SNX30: variants seen among roughly 807,000 people sequenced by gnomAD.
SNX30 encodes the protein sorting nexin family member 30.
SNX30 carries 24 observed loss-of-function variants against 46.4 expected under a neutral mutation model. The ratio of observed to expected loss-of-function variants is 0.52; its 90% CI spans 0.37 to 0.73. The LOEUF (loss-of-function observed/expected upper bound fraction) is 0.73, where lower values mean the gene tolerates loss of function less well. Among genes scored for constraint, SNX30 ranks in the 30% least tolerant of loss-of-function variants. SNX30 has a pLI of 0.00. For missense variants in SNX30, 533 were observed against 555.7 expected, an observed-to-expected ratio of 0.96 and a Z score of 0.41; for synonymous variants, 189 against 211.5, an observed-to-expected ratio of 0.89 and a Z score of 0.92.
downstream of SNX30, among the ~76,000 whole-genome samples, chr9:112,883,341 T>C (rs1841604873): frequency 6.6e-6 from 1 of 152,120 alleles, no homozygotes; most frequent in African/African-American, 2.4e-5. Flanking sequence ...CGCACCCAGA[T>C]ACCAGGTGCA....
At chr9:112,822,966 A>G (rs191452907) in intron 3 of SNX30, among the ~76,000 whole-genome samples, 10 of 145,450 alleles carry the variant, frequency 6.9e-5, no homozygotes, top group Admixed American at 1.4e-4. Context: ...CCAAATCCCC[A>G]TAACACTTAT....
intron 1 of SNX30, among the ~76,000 whole-genome samples, chr9:112,775,403 C>T (rs1839728034): frequency 1.3e-5 from 2 of 152,092 alleles, no homozygotes; most frequent in African/African-American, 4.8e-5. Context: ...CCACCTTGGC[C>T]TCCCAAAGTG....
rs1841495949 is a variant in SNX30 at position 112,874,707 on chromosome 9, A to C, written c.*5864A>C. ...TTTCATGAAGCTACCAAACTTTAAA[A>C]AGAATGTCACCCTTTTTTTTGTTTG... On this transcript the variant is annotated 3_prime_UTR_variant, in exon 9 of 9. Transcript: ENST00000374232. The C allele has an allele frequency of 6.6e-6, 1 of 152,230 alleles. No individual in the cohort carries two copies. Among genetic ancestry groups the C allele is most frequent in the Non-Finnish European group, 1.5e-5 (1 of 68,050 alleles). The allele number at this position is 152,230 out of a possible 1,614,324, so 9.4% of individuals were successfully genotyped here. A position where few individuals can be genotyped will look rare whatever the true frequency, so the allele number is the denominator to read the frequency against.
chr9:112,876,217 G>A (rs925642446), downstream of SNX30, among the ~76,000 whole-genome samples: 1 of 152,160 alleles, frequency 6.6e-6, no homozygotes, highest in Non-Finnish European at 1.5e-5. Flanking sequence ...GAAAATAGCC[G>A]ATTTAAGAGA....
intron 8 of SNX30, among the ~76,000 whole-genome samples, chr9:112,868,545 C>T (rs111314075): frequency 5.3e-5 from 8 of 152,332 alleles, no homozygotes; most frequent in African/African-American, 1.9e-4. Context: ...TACAGACTAA[C>T]ATGAATGCAT....
intron 8 of SNX30, among the ~76,000 whole-genome samples, chr9:112,865,670 T>TGA (rs1841324008): frequency 9.4e-6 from 1 of 106,816 alleles, no homozygotes; most frequent in African/African-American, 3.5e-5. Context: ...TATGTATGTA[T>TGA]GTATGCACAC....
Position 112,750,988 on chromosome 9 carries a change from G to A in SNX30, c.-14G>A, listed in dbSNP as rs1839264782. The A allele has an allele frequency of 8.1e-7, 1 of 1,239,098 alleles. No individual in the cohort carries two copies. The highest frequency in any genetic ancestry group is 1.0e-6 in the Non-Finnish European group (1 of 992,382). The allele number at this position is 1,239,098 out of a possible 1,614,324, so 76.8% of individuals were successfully genotyped here. On this transcript the variant is annotated 5_prime_UTR_variant, in exon 1 of 9. Coordinates refer to ENST00000374232, the MANE Select transcript of SNX30 (RefSeq NM_001012994.2). ...GGAGGAAGCGGCGGCGGCGCGTCCC[G>A]AGCGGTGCGCGCCATGGCGGGCGGG...
intron 7 of SNX30, among the ~76,000 whole-genome samples, chr9:112,859,893 AC>A (rs35652883): frequency 0.017 from 2,544 of 151,710 alleles, 43 homozygotes; most frequent in East Asian, 0.088. Flanking sequence ...TTAGCATTTC[AC>A]TAGTGATTAT....
chr9:112,831,828 T>C (rs4979159), intron 4 of SNX30, among the ~76,000 whole-genome samples: 25,615 of 152,234 alleles, frequency 0.17, 2,478 homozygotes, highest in Admixed American at 0.24. Context: ...TGAGGTGCTG[T>C]GCTCTCGCTG....
At chr9:112,831,286 T>C (rs890965561) in intron 4 of SNX30, among the ~76,000 whole-genome samples, 3 of 152,166 alleles carry the variant, frequency 2.0e-5, no homozygotes, top group African/African-American at 7.2e-5. Flanking sequence ...CAAATCCATA[T>C]AGATGGATTC....
Position 112,835,528 on chromosome 9 carries a change from G to T in SNX30, c.619-686G>T, listed in dbSNP as rs1374399876. Among the ~76,000 whole-genome samples the T allele has an allele frequency of 4.6e-5, 7 of 151,620 alleles. No homozygotes were observed. In the South Asian group the frequency reaches 8.4e-4, roughly 18 times the overall value. On this transcript the variant is annotated intron_variant, in intron 4 of 8. Coordinates refer to ENST00000374232, the MANE Select transcript of SNX30 (RefSeq NM_001012994.2). ...GACAGGGTTTCACCATGTTGACCAG[G>T]CTGGTCTTGAACTCCTGACCTCAAG... is the stretch of plus-strand genomic sequence containing the variant.
In SNX30 at chr9:112,830,715, G is replaced by T. The variant is rs1176470987; in HGVS notation, c.460-10G>T. ...CAATTACTCTGGTTTTTTTCTTCAT[G>T]TCTTCATAGCCTCTTCCCGAGAAGT... On this transcript the variant is annotated splice_polypyrimidine_tract_variant and intron_variant, in intron 3 of 8. Coordinates refer to ENST00000374232, the MANE Select transcript of SNX30 (RefSeq NM_001012994.2). 3.8e-6 allele frequency: 6 copies of T among 1,597,754 alleles called. No individual in the cohort carries two copies. The highest frequency in any genetic ancestry group is 1.8e-5 in the Admixed American group (1 of 55,272).
downstream of SNX30, among the ~76,000 whole-genome samples, chr9:112,884,011 A>T (rs74307746): frequency 6.6e-6 from 1 of 152,206 alleles, no homozygotes; most frequent in East Asian, 1.9e-4. Context: ...CTGTTTATGA[A>T]GAATGAGGCA....
At chr9:112,836,098 T>A in intron 4 of SNX30, 116 bp from the exon 5 acceptor site, 1 of 991,894 alleles carries the variant, frequency 1.0e-6, no homozygotes, top group Non-Finnish European at 1.5e-6. Flanking sequence ...CTAACTCAGC[T>A]CCTTGTTTCC....
chr9:112,766,166 G>T (rs748431051), intron 1 of SNX30, among the ~76,000 whole-genome samples: 37 of 152,110 alleles, frequency 2.4e-4, no homozygotes, highest in Non-Finnish European at 4.9e-4. Context: ...CGTATATTAG[G>T]TCTCCAGAAC....
At chr9:112,834,978 A>G (rs1289963182) in intron 4 of SNX30, among the ~76,000 whole-genome samples, 1 of 152,292 alleles carries the variant, frequency 6.6e-6, no homozygotes, top group Non-Finnish European at 1.5e-5. Flanking sequence ...CTACACTCAG[A>G]TACTATAGAG....
rs1564293902 is a variant in SNX30 at position 112,857,795 on chromosome 9, A to ATCCATCCAT, written c.1102-6452_1102-6451insTCCATCCAT. On this transcript the variant is annotated intron_variant, in intron 7 of 8. Transcript: ENST00000374232. The stretch of plus-strand genomic sequence containing the variant: ...ATCCATCCATCCATCCATCCATCCA[A>ATCCATCCAT]CCATCCATCCATCCATCTATCTATT... 5.5e-3 allele frequency among the ~76,000 whole-genome samples: 820 copies of ATCCATCCAT among 149,450 alleles called. 7 individuals are homozygous for ATCCATCCAT. The highest frequency in any genetic ancestry group is 0.016 in the East Asian group (82 of 5,022).
intron 1 of SNX30, among the ~76,000 whole-genome samples, chr9:112,795,812 A>C (rs1840100134): frequency 7.2e-6 from 1 of 139,598 alleles, no homozygotes; most frequent in African/African-American, 2.6e-5. Flanking sequence ...CATGATGAGC[A>C]AGGCACAGTT....
chr9:112,806,779 CTG>C (rs35099241), intron 2 of SNX30, among the ~76,000 whole-genome samples: 9,138 of 152,180 alleles, frequency 0.06, 614 homozygotes, highest in African/African-American at 0.16. Context: ...CTAAAATTTG[CTG>C]TGTGTCCTTC....
Sources: gnomAD v4.1 joint callset for allele counts (sites outside exome capture counted in the v4.1 genomes callset) on GRCh38, gnomAD v4.1.1 for gene constraint, MANE v1.5 for transcripts, NCBI Gene and HGNC (gene_info 2026-07-23, HGNC 2026-07-21) for gene names.